ASAH1: variants seen among roughly 807,000 people sequenced by gnomAD.
ASAH1 encodes acid ceramidase.
Under a neutral mutation model 59.5 loss-of-function variants are expected in ASAH1, and 70 were observed. That is an observed-to-expected ratio of 1.18 (90% CI 0.97 to 1.43). ASAH1 has a LOEUF of 1.43. Among genes scored for constraint, ASAH1 ranks in the 40% most tolerant of loss-of-function variants. The probability of loss-of-function intolerance (pLI) is 0.00; values close to 1 mark genes in which losing one functional copy is unlikely to be tolerated. For synonymous variants in ASAH1, 213 were observed against 166.5 expected, an observed-to-expected ratio of 1.28 and a Z score of -2.15; for missense variants, 660 against 482.5, an observed-to-expected ratio of 1.37 and a Z score of -3.45.
chr8:18,061,764 A>G (rs1265376682), intron 8 of ASAH1, 24 bp from the exon 9 acceptor site: 1 of 1,557,448 alleles, frequency 6.4e-7, no homozygotes, highest in African/African-American at 1.4e-5. Flanking sequence ...AAAGCAACGA[A>G]GTCAGAAACA....
intron 5 of ASAH1, chr8:18,065,167 T>A (rs1799877837): frequency 6.6e-6 from 1 of 151,706 alleles, no homozygotes; most frequent in Non-Finnish European, 1.5e-5. Flanking sequence ...TCTAATTTGG[T>A]GAAATTCTAG....
chr8:18,061,755 A>C lies in ASAH1; in HGVS notation c.649-15T>G. The C allele has an allele frequency of 6.4e-7, 1 of 1,562,222 alleles. No individual in the cohort carries two copies. The highest frequency in any genetic ancestry group is 1.4e-5 in the African/African-American group (1 of 73,536). ...CTGAACAGTCCCTGAGAAAAAGACA[A>C]AGCAACGAAGTCAGAAACATCAACC... On this transcript the variant is annotated splice_polypyrimidine_tract_variant and intron_variant, in intron 8 of 13. Coordinates refer to ENST00000637790, the MANE Select transcript of ASAH1 (RefSeq NM_177924.5).
At chr8:18,078,969 T>C (rs549940709) in intron 1 of ASAH1, among the ~76,000 whole-genome samples, 13 of 152,236 alleles carry the variant, frequency 8.5e-5, no homozygotes, top group African/African-American at 3.1e-4. Flanking sequence ...AAAAATCTGA[T>C]ATTTCAATGC....
intron 2 of ASAH1, among the ~76,000 whole-genome samples, chr8:18,073,739 C>T (rs774060221): frequency 4.6e-5 from 7 of 152,316 alleles, no homozygotes; most frequent in South Asian, 2.1e-4. Context: ...AGGAACAGAA[C>T]GTCTGTTTGT....
upstream of ASAH1, chr8:18,084,528 G>T (rs1032410417): frequency 7.1e-7 from 1 of 1,413,464 alleles, no homozygotes; most frequent in Non-Finnish European, 9.7e-7. Context: ...ATCCCACCCT[G>T]ACCCATCTTT....
chr8:18,073,164 C>T, intron 2 of ASAH1: 1 of 1,203,102 alleles, frequency 8.3e-7, no homozygotes, highest in Non-Finnish European at 1.2e-6. Flanking sequence ...GCCATAATTG[C>T]ACATTTTACC....
intron 10 of ASAH1, 85 bp downstream of exon 10, chr8:18,061,292 A>C: frequency 8.3e-7 from 1 of 1,203,062 alleles, no homozygotes; most frequent in Non-Finnish European, 1.2e-6. Flanking sequence ...TCAAAGGATT[A>C]AGCTGGAGCT....
In ASAH1 at chr8:18,061,698, C is replaced by G; in HGVS notation, c.691G>C (p.Gly231Arg). 5 of 1,586,282 alleles carry G rather than the reference C, an allele frequency of 3.2e-6. No individual in the cohort carries two copies. The highest frequency in any genetic ancestry group is 4.3e-6 in the Non-Finnish European group (5 of 1,164,350). ...LTLNERFSIN[G>R]GYLGILEWIL... The stretch of plus-strand genomic sequence containing the variant: ...ATGCTCTACTTACCCAGATAACCAC[C>G]ATTTATACTGAAACGTTCATTCAGT... Residue 231 changes from glycine (G) to arginine (R), a missense_variant, in exon 9 of 14, where the codon GGT becomes CGT. Coordinates refer to ENST00000637790, the MANE Select transcript of ASAH1 (RefSeq NM_177924.5).
chr8:18,057,138 C>A lies in ASAH1; in HGVS notation c.*396G>T. On this transcript the variant is annotated 3_prime_UTR_variant, in exon 14 of 14. Transcript: ENST00000637790. ...CAAATATGTAGGTAGAAGTGAAAAA[C>A]TGAAGAATGTGGAGTGTTTACTGTC... 6 of 187,570 alleles carry A rather than the reference C, an allele frequency of 3.2e-5. No homozygotes were observed. The highest frequency in any genetic ancestry group is 5.6e-5 in the Admixed American group (1 of 17,888). The allele number at this position is 187,570 out of a possible 1,614,324, so 11.6% of individuals were successfully genotyped here.
intron 2 of ASAH1, among the ~76,000 whole-genome samples, chr8:18,072,842 G>A (rs1272339771): frequency 6.6e-6 from 1 of 152,076 alleles, no homozygotes; most frequent in Non-Finnish European, 1.5e-5. Context: ...TGGCCTGTTG[G>A]AGATATGCAT....
Position 18,056,438 on chromosome 8 carries a change from A to G in ASAH1, c.*1096T>C, listed in dbSNP as rs1295964259. The G allele has an allele frequency of 1.3e-5, 2 of 152,092 alleles. No individual in the cohort carries two copies. The highest frequency in any genetic ancestry group is 4.8e-5 in the African/African-American group (2 of 41,402). 9.4% of individuals were successfully genotyped at this position (152,092 alleles called of 1,614,324 possible). A position where few individuals can be genotyped will look rare whatever the true frequency, so the allele number is the denominator to read the frequency against. On this transcript the variant is annotated 3_prime_UTR_variant, in exon 14 of 14. Transcript: ENST00000637790. ...TGTACACACCCAATCAGCGTGCATG[A>G]CTGCTGACTGGCACTCTTTCCAGTG...
At chr8:18,075,473 C>A (rs1421785591) in intron 2 of ASAH1, 68 bp downstream of exon 2, 3 of 1,453,680 alleles carry the variant, frequency 2.1e-6, no homozygotes, top group Admixed American at 3.3e-5. Flanking sequence ...CGTTTATGAG[C>A]AATTATTACA....
chr8:18,058,616 C>T (rs113065439), intron 13 of ASAH1: 1 of 571,016 alleles, frequency 1.8e-6, no homozygotes, highest in Non-Finnish European at 3.1e-6. Flanking sequence ...GTAAATAAAG[C>T]TATAAACAAT....
upstream of ASAH1, chr8:18,084,248 A>G: frequency 1.4e-6 from 2 of 1,460,636 alleles, no homozygotes; most frequent in Non-Finnish European, 9.0e-7. Flanking sequence ...TGCCACGAAA[A>G]GGGTGGCGTA....
chr8:18,061,272 C>A (rs1406938318), intron 10 of ASAH1, 105 bp downstream of exon 10: 9 of 1,010,868 alleles, frequency 8.9e-6, no homozygotes, highest in Non-Finnish European at 1.3e-5. Flanking sequence ...AGAAATTCTG[C>A]AATAGTTCCT....
Position 18,059,468 on chromosome 8 carries a change from G to C in ASAH1, c.918-4C>G, listed in dbSNP as rs185687182. 3.7e-6 allele frequency: 6 copies of C among 1,614,042 alleles called. No individual in the cohort carries two copies. Among genetic ancestry groups the C allele is most frequent in the South Asian group, 3.3e-5 (3 of 91,090 alleles). On this transcript the variant is annotated splice_polypyrimidine_tract_variant and splice_region_variant and intron_variant, in intron 11 of 13. Transcript: ENST00000637790. ...TCTACCCTGCTTAGCATCGAGTCTA[G>C]ATACAAAAGGAGAGATTCCCTCTTA...
Position 18,056,521 on chromosome 8 carries a change from G to A in ASAH1, c.*1013C>T, listed in dbSNP as rs1236095432. On this transcript the variant is annotated 3_prime_UTR_variant, in exon 14 of 14. Coordinates refer to ENST00000637790, the MANE Select transcript of ASAH1 (RefSeq NM_177924.5). ...ATTATACAAAATGAAGTGGACAAAC[G>A]GTCTTGCACAAATGACGTACATTTC... is the stretch of plus-strand genomic sequence containing the variant. 2 of 152,244 alleles carry A rather than the reference G, an allele frequency of 1.3e-5. No homozygotes were observed. Among genetic ancestry groups the A allele is most frequent in the South Asian group, 2.1e-4 (1 of 4,810 alleles). 9.4% of individuals were successfully genotyped at this position (152,244 alleles called of 1,614,324 possible).
At chr8:18,063,062 G>A (rs761030455) in intron 7 of ASAH1, 123 bp downstream of exon 7, 13 of 853,986 alleles carry the variant, frequency 1.5e-5, no homozygotes, top group East Asian at 2.6e-5. Context: ...TAGAGACGGG[G>A]TTTCACCATC....
Position 18,057,180 on chromosome 8 carries a change from C to T in ASAH1, c.*354G>A, listed in dbSNP as rs577262803. On this transcript the variant is annotated 3_prime_UTR_variant, in exon 14 of 14. Transcript: ENST00000637790. ...TTTACTGTCCCGTTACTCACACAGACGTGCTGGATTCAACACCCACGCTGA... is the reference window on the plus strand; with the variant it reads ...TTTACTGTCCCGTTACTCACACAGATGTGCTGGATTCAACACCCACGCTGA... 66 of 271,520 alleles carry T rather than the reference C, an allele frequency of 2.4e-4. No homozygotes were observed. Among genetic ancestry groups the T allele is most frequent in the Non-Finnish European group, 7.4e-5 (10 of 135,260 alleles). 16.8% of individuals were successfully genotyped at this position (271,520 alleles called of 1,614,324 possible). A position where few individuals can be genotyped will look rare whatever the true frequency, so the allele number is the denominator to read the frequency against.
Sources: allele counts gnomAD v4.1 joint callset (sites outside exome capture counted in the v4.1 genomes callset), GRCh38; gene constraint gnomAD v4.1.1; transcripts MANE v1.5; gene names NCBI Gene and HGNC (gene_info 2026-07-23, HGNC 2026-07-21).